UBE2E2: variants seen among roughly 807,000 people sequenced by gnomAD.
The protein encoded by UBE2E2 is ubiquitin-conjugating enzyme E2 E2.
A neutral mutation model predicts 24.7 loss-of-function variants in UBE2E2; 6 were observed. That is an observed-to-expected ratio of 0.24 (90% confidence interval 0.13 to 0.48). UBE2E2 has a LOEUF of 0.48. UBE2E2 is among the 20% of genes least tolerant of loss of function. The pLI is 0.99. For synonymous variants in UBE2E2, 104 were observed against 83.6 expected (o/e 1.24, Z -1.33); for missense variants, 169 against 245.0 (o/e 0.69, Z 2.07).
chr3:23,396,218 A>T (rs920276244), intron 3 of UBE2E2, among the ~76,000 whole-genome samples: 4 of 150,580 alleles, frequency 2.7e-5, no homozygotes, highest in Admixed American at 2.7e-4. Flanking sequence ...TTTCCAGAAG[A>T]TAGAATATCT....
chr3:23,242,706 T>G (rs1314386310), intron 3 of UBE2E2, among the ~76,000 whole-genome samples: 2 of 152,124 alleles, frequency 1.3e-5, no homozygotes, highest in Non-Finnish European at 2.9e-5. Context: ...ATTATTGCCA[T>G]TAAGGTGGCA....
At chr3:23,412,126 A>T (rs981025908) in intron 3 of UBE2E2, among the ~76,000 whole-genome samples, 5 of 152,158 alleles carry the variant, frequency 3.3e-5, no homozygotes, top group Non-Finnish European at 7.4e-5. Flanking sequence ...TCCCCCCAAG[A>T]TGGTGCAGAA....
intron 3 of UBE2E2, among the ~76,000 whole-genome samples, chr3:23,461,791 A>G (rs1334314371): frequency 6.6e-6 from 1 of 152,190 alleles, no homozygotes; most frequent in Non-Finnish European, 1.5e-5. Flanking sequence ...TACATTTTGA[A>G]TATGAAGTTA....
rs1033172937 is a variant in UBE2E2 at position 23,302,708 on chromosome 3, C to A, written c.227+85396C>A. Among the ~76,000 whole-genome samples the A allele has an allele frequency of 2.6e-5, 4 of 152,198 alleles. No individual in the cohort carries two copies. The East Asian group carries it at 7.7e-4, about 29-fold the overall frequency. ...ACAGCAGAGCCTAAATTAGATCTGT[C>A]AGTTAATTTCCTATATACAGCTTGC... is the stretch of plus-strand genomic sequence containing the variant. On this transcript the variant is annotated intron_variant, in intron 3 of 5. Coordinates refer to ENST00000396703, the MANE Select transcript of UBE2E2 (RefSeq NM_152653.4).
chr3:23,579,132 C>G (rs925447590), intron 5 of UBE2E2, among the ~76,000 whole-genome samples: 10 of 152,074 alleles, frequency 6.6e-5, no homozygotes, highest in Non-Finnish European at 8.8e-5. Flanking sequence ...GTGGCTCATG[C>G]CTATAATCCC....
chr3:23,257,563 A>T, intron 3 of UBE2E2, among the ~76,000 whole-genome samples: 1 of 92,274 alleles, frequency 1.1e-5, no homozygotes, highest in Non-Finnish European at 1.9e-5. Flanking sequence ...TTAAGATATT[A>T]GAGTCTCATG....
At chr3:23,300,227 C>G (rs1391976089) in intron 3 of UBE2E2, among the ~76,000 whole-genome samples, 1 of 152,014 alleles carries the variant, frequency 6.6e-6, no homozygotes, top group Non-Finnish European at 1.5e-5. Context: ...TGGGTCTTGA[C>G]TCTTTATCCA....
intron 5 of UBE2E2, among the ~76,000 whole-genome samples, chr3:23,548,490 G>A (rs927625240): frequency 5.9e-5 from 9 of 152,198 alleles, no homozygotes; most frequent in African/African-American, 7.2e-5. Flanking sequence ...CTCTATGGGA[G>A]TCACTAAGAT....
chr3:23,381,781 G>A (rs1462290305), intron 3 of UBE2E2, among the ~76,000 whole-genome samples: 1 of 152,166 alleles, frequency 6.6e-6, no homozygotes, highest in Non-Finnish European at 1.5e-5. Flanking sequence ...TGTTGACTTA[G>A]ATGAAAATAA....
intron 3 of UBE2E2, among the ~76,000 whole-genome samples, chr3:23,450,164 A>G (rs148190030): frequency 6.6e-6 from 1 of 152,350 alleles, no homozygotes; most frequent in East Asian, 1.9e-4. Context: ...AATAAAAAGA[A>G]TTTGTTTGGA....
At chr3:23,402,625 T>C (rs1409446523) in intron 3 of UBE2E2, among the ~76,000 whole-genome samples, 1 of 152,234 alleles carries the variant, frequency 6.6e-6, no homozygotes, top group Non-Finnish European at 1.5e-5. Context: ...ATTAGGTATT[T>C]AGAAAAAATA....
At chr3:23,282,015 A>G (rs765088010) in intron 3 of UBE2E2, among the ~76,000 whole-genome samples, 2 of 152,208 alleles carry the variant, frequency 1.3e-5, no homozygotes, top group Non-Finnish European at 2.9e-5. Flanking sequence ...AATTTTGCAA[A>G]TGAAACTTGG....
chr3:23,317,981 C>T (rs1694630327), intron 3 of UBE2E2, among the ~76,000 whole-genome samples: 2 of 151,598 alleles, frequency 1.3e-5, no homozygotes, highest in Non-Finnish European at 2.9e-5. Context: ...TTTGGTGTTC[C>T]TGTAGGGACG....
chr3:23,224,982 G>A (rs908896314), intron 3 of UBE2E2, among the ~76,000 whole-genome samples: 24 of 150,344 alleles, frequency 1.6e-4, no homozygotes, highest in African/African-American at 5.4e-4. Context: ...TTTAATGATA[G>A]CTATCCTAGT....
At chr3:23,305,396 A>G (rs974914168) in intron 3 of UBE2E2, among the ~76,000 whole-genome samples, 1 of 152,208 alleles carries the variant, frequency 6.6e-6, no homozygotes, top group African/African-American at 2.4e-5. Flanking sequence ...TTGCTGCTTT[A>G]TCAAGAACAA....
intron 3 of UBE2E2, among the ~76,000 whole-genome samples, chr3:23,434,280 C>G (rs996128933): frequency 2.0e-5 from 3 of 152,062 alleles, no homozygotes; most frequent in African/African-American, 7.2e-5. Flanking sequence ...AAAAAAAGAT[C>G]TCAATGTAAC....
chr3:23,383,892 TAA>T (rs35603984), intron 3 of UBE2E2, among the ~76,000 whole-genome samples: 4 of 143,802 alleles, frequency 2.8e-5, no homozygotes, highest in Admixed American at 7.0e-5. Context: ...ATTATTTCTT[TAA>T]AAAAAAAAAA....
intron 3 of UBE2E2, among the ~76,000 whole-genome samples, chr3:23,371,465 G>A (rs934390394): frequency 6.6e-6 from 1 of 152,128 alleles, no homozygotes; most frequent in East Asian, 1.9e-4. Context: ...TATTTTCAAA[G>A]TAGCATGTTT....
chr3:23,225,525 A>G (rs1696795296), intron 3 of UBE2E2, among the ~76,000 whole-genome samples: 1 of 152,068 alleles, frequency 6.6e-6, no homozygotes, highest in Non-Finnish European at 1.5e-5. Context: ...GTGTAGACCC[A>G]GTGTCCCAGC....
Sources: allele counts gnomAD v4.1 joint callset (sites outside exome capture counted in the v4.1 genomes callset), GRCh38; gene constraint gnomAD v4.1.1; transcripts MANE v1.5; gene names NCBI Gene and HGNC (gene_info 2026-07-23, HGNC 2026-07-21).